The following CSMD1 variants were observed in gnomAD, a reference collection of about 807,000 sequenced individuals.
CSMD1 encodes CUB and sushi domain-containing protein 1.
A neutral mutation model predicts 417.5 loss-of-function variants in CSMD1; 213 were observed. That is an observed-to-expected ratio of 0.51 (90% CI 0.46 to 0.57). CSMD1 has a LOEUF of 0.57. Among genes scored for constraint, CSMD1 ranks in the 20% least tolerant of loss-of-function variants. CSMD1 has a pLI of 0.00. For synonymous variants in CSMD1, 2,862 were observed against 1,736.8 expected (o/e 1.65, Z -16.11); for missense variants, 6,923 against 4,529.7 (o/e 1.53, Z -15.17).
chr8:4,738,300 G>A (rs1452446281), intron 1 of CSMD1, among the ~76,000 whole-genome samples: 1 of 152,198 alleles, frequency 6.6e-6, no homozygotes, highest in Non-Finnish European at 1.5e-5. Flanking sequence ...GTTATTTACA[G>A]AGGAAACATC....
At chr8:3,468,431 C>T (rs766239610) in intron 12 of CSMD1, among the ~76,000 whole-genome samples, 6 of 152,116 alleles carry the variant, frequency 3.9e-5, no homozygotes, top group Non-Finnish European at 8.8e-5. Context: ...CAAAAGATCC[C>T]CACATATGCC....
intron 26 of CSMD1, among the ~76,000 whole-genome samples, chr8:3,265,581 C>T (rs1328943500): frequency 6.6e-6 from 1 of 152,120 alleles, no homozygotes. Flanking sequence ...GGCTCAAAAA[C>T]AGCAAAGAAA....
intron 6 of CSMD1, among the ~76,000 whole-genome samples, chr8:3,724,595 G>A (rs1380490436): frequency 1.3e-5 from 2 of 152,086 alleles, no homozygotes; most frequent in Non-Finnish European, 2.9e-5. Context: ...ATTAGGGAGG[G>A]GGAATGAGAA....
At chr8:3,687,791 T>G (rs6985877) in intron 7 of CSMD1, among the ~76,000 whole-genome samples, 46,716 of 152,036 alleles carry the variant, frequency 0.31, 8,095 homozygotes, top group South Asian at 0.41. Flanking sequence ...ACACTTGATC[T>G]TTGCTCCACT....
rs545367962 is a variant in CSMD1, at chr8:2,992,804, C to T, written c.8377+5207G>A. ...GTTGCCCAGGCTGGAAGTGCCGTGTCTTGGCTCACTGTAGCCTTGACCTCC... is the reference window on the plus strand; with the variant it reads ...GTTGCCCAGGCTGGAAGTGCCGTGTTTTGGCTCACTGTAGCCTTGACCTCC... On this transcript the variant is annotated intron_variant, in intron 54 of 69. Transcript: ENST00000635120. 1.0e-3 allele frequency among the ~76,000 whole-genome samples: 156 copies of T among 152,146 alleles called. 1 individual carries two copies. The highest frequency in any genetic ancestry group is 1.7e-3 in the Non-Finnish European group (113 of 68,008).
intron 1 of CSMD1, among the ~76,000 whole-genome samples, chr8:4,954,050 T>C (rs1585399606): frequency 1.3e-5 from 2 of 152,168 alleles, no homozygotes; most frequent in African/African-American, 4.8e-5. Flanking sequence ...ATTGAGTGCT[T>C]TTCTTTCTCC....
At chr8:4,945,936 T>G (rs1405204335) in intron 1 of CSMD1, among the ~76,000 whole-genome samples, 1 of 152,186 alleles carries the variant, frequency 6.6e-6, no homozygotes, top group African/African-American at 2.4e-5. Context: ...CAAACTCCGC[T>G]GGGAGCTATG....
chr8:3,558,522 ACTC>A (rs1473757425), intron 10 of CSMD1, among the ~76,000 whole-genome samples: 1 of 147,576 alleles, frequency 6.8e-6, no homozygotes, highest in Non-Finnish European at 1.5e-5. Context: ...CCCCATGTCG[ACTC>A]CTCCAACGAT....
At chr8:4,695,024 T>C (rs1046165615) in intron 1 of CSMD1, among the ~76,000 whole-genome samples, 1 of 152,200 alleles carries the variant, frequency 6.6e-6, no homozygotes, top group African/African-American at 2.4e-5. Context: ...AAGCTCCCTT[T>C]ACTTATCTGT....
chr8:3,760,556 G>A (rs1463357473), intron 5 of CSMD1, among the ~76,000 whole-genome samples: 1 of 152,138 alleles, frequency 6.6e-6, no homozygotes, highest in African/African-American at 2.4e-5. Context: ...TGGGATATAA[G>A]GGCTGAACAC....
intron 12 of CSMD1, among the ~76,000 whole-genome samples, chr8:3,446,665 T>A (rs1051988794): frequency 6.6e-6 from 1 of 152,206 alleles, no homozygotes; most frequent in African/African-American, 2.4e-5. Flanking sequence ...GAAAAAAATC[T>A]GGTAAAAAGT....
intron 6 of CSMD1, among the ~76,000 whole-genome samples, chr8:3,718,660 G>T (rs1025805613): frequency 1.3e-5 from 2 of 152,164 alleles, no homozygotes; most frequent in South Asian, 4.1e-4. Context: ...ATTAGCGTGA[G>T]AATGTCCACA....
chr8:4,868,660 C>A (rs372923928), intron 1 of CSMD1, among the ~76,000 whole-genome samples: 1 of 151,770 alleles, frequency 6.6e-6, no homozygotes, highest in East Asian at 1.9e-4. Context: ...AAAATTATTA[C>A]CTAAGAATAA....
At position 2,966,764 on chromosome 8, in the gene CSMD1, ACAC is replaced by A. The variant is rs749532721; in HGVS notation, c.8924-21_8924-19del. 9.9e-6 allele frequency: 16 copies of A among 1,609,530 alleles called. No individual in the cohort carries two copies. The highest frequency in any genetic ancestry group is 1.4e-5 in the Non-Finnish European group (16 of 1,177,900). ...GGACACGGCTGTTAGGCAAACAAGA[ACAC>A]CACCACACACAGTGAGTGACCCAGC... On this transcript the variant is annotated intron_variant, in intron 57 of 69. Transcript: ENST00000635120.
chr8:4,146,105 T>C (rs868423273), intron 3 of CSMD1, among the ~76,000 whole-genome samples: 1 of 150,794 alleles, frequency 6.6e-6, no homozygotes, highest in Non-Finnish European at 1.5e-5. Flanking sequence ...CACACCAACA[T>C]AATGGCAGTC....
intron 11 of CSMD1, among the ~76,000 whole-genome samples, chr8:3,490,831 G>T (rs111754999): frequency 1.3e-5 from 2 of 151,966 alleles, no homozygotes; most frequent in African/African-American, 2.4e-5. Flanking sequence ...AGATATCTGG[G>T]CCCTCAGATG....
At chr8:4,139,438 G>A (rs540259866) in intron 3 of CSMD1, among the ~76,000 whole-genome samples, 2 of 144,492 alleles carry the variant, frequency 1.4e-5, no homozygotes, top group East Asian at 3.9e-4. Context: ...AACGAAGGAA[G>A]ACTCTATGCC....
At chr8:3,065,578 A>G (rs1812887760) in intron 49 of CSMD1, among the ~76,000 whole-genome samples, 1 of 152,062 alleles carries the variant, frequency 6.6e-6, no homozygotes, top group African/African-American at 2.4e-5. Flanking sequence ...TGATAGATAC[A>G]TAGATACACA....
intron 1 of CSMD1, among the ~76,000 whole-genome samples, chr8:4,704,527 G>T (rs890570578): frequency 2.0e-5 from 3 of 152,104 alleles, no homozygotes; most frequent in South Asian, 4.1e-4. Flanking sequence ...TGATGTTTCA[G>T]TGCCATTATA....
Sources: gnomAD v4.1 joint callset for allele counts (sites outside exome capture counted in the v4.1 genomes callset) on GRCh38, gnomAD v4.1.1 for gene constraint, MANE v1.5 for transcripts, NCBI Gene and HGNC (gene_info 2026-07-23, HGNC 2026-07-21) for gene names.